Variants in GOLM1 observed in about 807,000 individuals in gnomAD.
GOLM1 encodes the protein golgi membrane protein 1, also known as epididymis luminal protein 46.
Under a neutral mutation model 50.5 loss-of-function variants are expected in GOLM1, and 31 were observed. The observed-to-expected ratio is 0.61, with a 90% confidence interval of 0.46 to 0.83. The LOEUF is 0.83. Among genes scored for constraint, GOLM1 ranks in the 40% least tolerant of loss-of-function variants. The probability of loss-of-function intolerance (pLI) is 0.00; values close to 1 mark genes in which losing one functional copy is unlikely to be tolerated. For missense variants in GOLM1, 491 were observed against 501.3 expected (o/e 0.98, Z 0.20); for synonymous variants, 178 against 192.8 (o/e 0.92, Z 0.64).
chr9:86,088,771 A>T (rs1393389771), intron 1 of GOLM1, among the ~76,000 whole-genome samples: 1 of 151,870 alleles, frequency 6.6e-6, no homozygotes, highest in Non-Finnish European at 1.5e-5. Flanking sequence ...ATTTAAGGTT[A>T]ATATTGTTAT....
At chr9:86,058,366 C>T (rs1419580335) in intron 3 of GOLM1, among the ~76,000 whole-genome samples, 1 of 152,142 alleles carries the variant, frequency 6.6e-6, no homozygotes, top group Non-Finnish European at 1.5e-5. Flanking sequence ...TAGTGAAATG[C>T]AAATCAAAAT....
intron 1 of GOLM1, among the ~76,000 whole-genome samples, chr9:86,096,007 C>T (rs1185212401): frequency 6.6e-6 from 1 of 152,190 alleles, no homozygotes; most frequent in African/African-American, 2.4e-5. Flanking sequence ...TATAATCCCC[C>T]TCTCTGTATC....
chr9:86,032,351 T>A (rs973754540), intron 9 of GOLM1, among the ~76,000 whole-genome samples: 7 of 152,140 alleles, frequency 4.6e-5, no homozygotes, highest in Non-Finnish European at 8.8e-5. Flanking sequence ...CTCTTTTTAG[T>A]AGAGACGGGG....
In GOLM1 at chr9:86,035,384, C is replaced by T; in HGVS notation, c.999G>A (p.Gln333=). ...CACACCCACCTTCCCCGGCAGCTTC[C>T]TGCTCCTCCTCCTGTCCGTCGGGGA... The part of the protein sequence containing the change: ...LVIPDGQEEE[Q]EAAGEGRNQQ... Residue 333 remains glutamine, a synonymous_variant, in exon 8 of 10, where the codon CAG becomes CAA. Coordinates refer to ENST00000388712, the MANE Select transcript of GOLM1 (RefSeq NM_016548.4). The T allele has an allele frequency of 6.2e-7, 1 of 1,613,854 alleles. No individual in the cohort carries two copies. Among genetic ancestry groups the T allele is most frequent in the Non-Finnish European group, 8.5e-7 (1 of 1,179,992 alleles).
At chr9:86,081,885 A>AT (rs1368824339) in intron 1 of GOLM1, among the ~76,000 whole-genome samples, 8 of 148,222 alleles carry the variant, frequency 5.4e-5, no homozygotes, top group Non-Finnish European at 1.0e-4. Context: ...CGAGACTCTG[A>AT]TTAAAAAAAA....
chr9:86,071,990 A>G (rs1401267285), intron 3 of GOLM1, among the ~76,000 whole-genome samples: 1 of 152,238 alleles, frequency 6.6e-6, no homozygotes, highest in Non-Finnish European at 1.5e-5. Context: ...CAGCAGTGAG[A>G]AAGAATGAAC....
chr9:86,092,842 T>C (rs1391192199), intron 1 of GOLM1, among the ~76,000 whole-genome samples: 1 of 152,136 alleles, frequency 6.6e-6, no homozygotes, highest in East Asian at 1.9e-4. Context: ...TCAGACACTC[T>C]CCCTTCTCCC....
chr9:86,078,848 G>A (rs10125666), intron 2 of GOLM1, among the ~76,000 whole-genome samples: 28,647 of 152,146 alleles, frequency 0.19, 4,072 homozygotes, highest in East Asian at 0.54. Flanking sequence ...CTTGGGCGCC[G>A]GAGGACCGCA....
At chr9:86,098,704 T>C (rs1156607474) in intron 1 of GOLM1, among the ~76,000 whole-genome samples, 1 of 152,256 alleles carries the variant, frequency 6.6e-6, no homozygotes, top group Non-Finnish European at 1.5e-5. Flanking sequence ...AAGCAAATCA[T>C]TAAAAATATT....
At chr9:86,054,289 C>CA (rs1452597689) in intron 3 of GOLM1, among the ~76,000 whole-genome samples, 6 of 146,392 alleles carry the variant, frequency 4.1e-5, no homozygotes, top group African/African-American at 1.3e-4. Flanking sequence ...TTTTTTGAGA[C>CA]AGAGTTTTGC....
In GOLM1 at chr9:86,027,639, C is replaced by CTGTT. The variant is rs1832827249; in HGVS notation, c.*174_*177dup. 7.2e-7 allele frequency: 1 copy of CTGTT among 1,385,462 alleles called. No individual in the cohort carries two copies. The highest frequency in any genetic ancestry group is 1.8e-5 in the South Asian group (1 of 56,984). The allele number at this position is 1,385,462 out of a possible 1,614,324, so 85.8% of individuals were successfully genotyped here. A position where few individuals can be genotyped will look rare whatever the true frequency, so the allele number is the denominator to read the frequency against. On this transcript the variant is annotated 3_prime_UTR_variant, in exon 10 of 10. Coordinates refer to ENST00000388712, the MANE Select transcript of GOLM1 (RefSeq NM_016548.4). Reference sequence around the variant, plus strand: ...ACACTTCCAAAGTACCCCCCAAAAGCTGTTTAAAAGACCATTCCATTTTTT... The same window carrying CTGTT: ...ACACTTCCAAAGTACCCCCCAAAAGCTGTTTGTTTAAAAGACCATTCCATTTTTT...
chr9:86,026,845 C>T lies in GOLM1; in HGVS notation c.*972G>A. ...AATGTGTACACTATGATAAAAACAA[C>T]CATTGTATTCCTGTTTTTCTAAACA... On this transcript the variant is annotated 3_prime_UTR_variant, in exon 10 of 10. Transcript: ENST00000388712. The T allele has an allele frequency of 4.1e-6, 4 of 977,932 alleles. No individual in the cohort carries two copies. Among genetic ancestry groups the T allele is most frequent in the Non-Finnish European group, 4.9e-6 (4 of 823,202 alleles). The allele number at this position is 977,932 out of a possible 1,614,324, so 60.6% of individuals were successfully genotyped here.
Position 86,029,226 on chromosome 9 carries a change from C to T in GOLM1, c.1130-1333G>A, listed in dbSNP as rs1390637883. Among the ~76,000 whole-genome samples the T allele has an allele frequency of 3.3e-5, 5 of 152,262 alleles. 1 individual carries two copies. The East Asian group carries it at 9.6e-4, about 29-fold the overall frequency. On this transcript the variant is annotated intron_variant, in intron 9 of 9. Transcript: ENST00000388712. ...GTGCCATGAAACAAAGCTGAAGCACCTAAAGATTCCATACTTGTTTGTAAC... is the reference window on the plus strand; with the variant it reads ...GTGCCATGAAACAAAGCTGAAGCACTTAAAGATTCCATACTTGTTTGTAAC...
chr9:86,088,793 A>T (rs1835078209), intron 1 of GOLM1, among the ~76,000 whole-genome samples: 1 of 151,832 alleles, frequency 6.6e-6, no homozygotes, highest in African/African-American at 2.4e-5. Context: ...TGTGAATTTG[A>T]TCCTGTCATT....
rs189076086 is a variant in GOLM1, at chr9:86,055,216, C to T, written c.310-2625G>A. 8.9e-4 allele frequency among the ~76,000 whole-genome samples: 136 copies of T among 152,142 alleles called. 1 individual carries two copies. The highest frequency in any genetic ancestry group is 4.2e-4 in the South Asian group (2 of 4,816). On this transcript the variant is annotated intron_variant, in intron 3 of 9. Transcript: ENST00000388712. Reference sequence around the variant, plus strand: ...TGGGGCAACAGGAGAGAAGTTATGGCGATAATACCTGTAAAAGTCATCCCT... The same window carrying T: ...TGGGGCAACAGGAGAGAAGTTATGGTGATAATACCTGTAAAAGTCATCCCT...
At chr9:86,052,006 C>T (rs972831565) in intron 4 of GOLM1, among the ~76,000 whole-genome samples, 1 of 152,108 alleles carries the variant, frequency 6.6e-6, no homozygotes. Context: ...ATGGACCCTG[C>T]TGACCCTCCT....
At chr9:86,037,294 G>C (rs1471727814) in intron 6 of GOLM1, among the ~76,000 whole-genome samples, 2 of 152,142 alleles carry the variant, frequency 1.3e-5, no homozygotes, top group Non-Finnish European at 2.9e-5. Flanking sequence ...AGGCACCTGT[G>C]ATTCCAGCTA....
intron 3 of GOLM1, among the ~76,000 whole-genome samples, chr9:86,072,018 T>A (rs1834460459): frequency 6.6e-6 from 1 of 152,052 alleles, no homozygotes; most frequent in Non-Finnish European, 1.5e-5. Context: ...ATCAAATCAA[T>A]AAAGACCTCA....
chr9:86,058,952 T>C (rs1374932942), intron 3 of GOLM1, among the ~76,000 whole-genome samples: 1 of 152,052 alleles, frequency 6.6e-6, no homozygotes, highest in Non-Finnish European at 1.5e-5. Context: ...GATCCGAGAT[T>C]GAGCCATTGC....
Sources: allele counts gnomAD v4.1 joint callset (sites outside exome capture counted in the v4.1 genomes callset), GRCh38; gene constraint gnomAD v4.1.1; transcripts MANE v1.5; gene names NCBI Gene and HGNC (gene_info 2026-07-23, HGNC 2026-07-21).